FBXO33: variants seen among roughly 807,000 people sequenced by gnomAD.
FBXO33 encodes F-box protein 33.
A neutral mutation model predicts 46.3 loss-of-function variants in FBXO33; 22 were observed. The observed-to-expected ratio is 0.48, with a 90% confidence interval of 0.34 to 0.68. The LOEUF is 0.68. Among genes scored for constraint, FBXO33 ranks in the 30% least tolerant of loss-of-function variants. The pLI is 0.01. For missense variants in FBXO33, 692 were observed against 708.8 expected (o/e 0.98, Z 0.27); for synonymous variants, 337 against 291.3 (o/e 1.16, Z -1.60).
intron 1 of FBXO33, among the ~76,000 whole-genome samples, chr14:39,403,496 C>T (rs906875330): frequency 1.1e-4 from 17 of 152,070 alleles, no homozygotes; most frequent in Non-Finnish European, 1.9e-4. Flanking sequence ...AACTGGGAGG[C>T]GGAGGTTGCA....
rs772038994 is a variant in FBXO33 at position 39,402,405 on chromosome 14, T to G, written c.706A>C (p.Lys236Gln). 1 of 1,552,624 alleles carries G rather than the reference T, an allele frequency of 6.4e-7. No individual in the cohort carries two copies. The highest frequency in any genetic ancestry group is 8.7e-7 in the Non-Finnish European group (1 of 1,145,738). Residue 236 changes from lysine (K) to glutamine (Q), a missense_variant, in exon 2 of 4, where the codon AAA becomes CAA. Physicochemically the swap from Lys to Gln is moderately conservative, Grantham distance 53. Transcript: ENST00000298097. ...TCCATTAACCATATAACTTACTGTT[T>G]AATTTTTTTGCCATCAGGGTCCACC... ...SKVDPDGKKI[K>Q]QIQQLFEEIL...
intron 1 of FBXO33, among the ~76,000 whole-genome samples, chr14:39,408,614 G>GC (rs2075409121): frequency 6.6e-6 from 1 of 151,062 alleles, no homozygotes; most frequent in Admixed American, 6.6e-5. Flanking sequence ...CCAGATTCAA[G>GC]CAATTCTCCT....
At chr14:39,405,801 A>G (rs1013405276) in intron 1 of FBXO33, among the ~76,000 whole-genome samples, 25 of 151,392 alleles carry the variant, frequency 1.7e-4, no homozygotes, top group East Asian at 5.9e-4. Flanking sequence ...AAAAGGTTAT[A>G]AAACAGCCAA....
At chr14:39,403,822 C>A (rs12883658) in intron 1 of FBXO33, among the ~76,000 whole-genome samples, 1 of 148,222 alleles carries the variant, frequency 6.7e-6, no homozygotes. Flanking sequence ...TTTTTTTGGA[C>A]ACAGTGTCTC....
At chr14:39,422,204 G>A (rs1434938592) in intron 1 of FBXO33, among the ~76,000 whole-genome samples, 1 of 152,184 alleles carries the variant, frequency 6.6e-6, no homozygotes, top group Non-Finnish European at 1.5e-5. Context: ...GTTGCAGTGA[G>A]CCAATATTGT....
chr14:39,419,160 G>C (rs1314242210), intron 1 of FBXO33, among the ~76,000 whole-genome samples: 6 of 152,172 alleles, frequency 3.9e-5, no homozygotes, highest in Non-Finnish European at 7.4e-5. Flanking sequence ...CTTCCACTAA[G>C]TGATATTTCT....
intron 1 of FBXO33, among the ~76,000 whole-genome samples, chr14:39,414,196 G>C (rs2075436818): frequency 6.6e-6 from 1 of 152,202 alleles, no homozygotes; most frequent in Non-Finnish European, 1.5e-5. Flanking sequence ...TGCTGATTCA[G>C]CTTGCATTTT....
Position 39,431,770 on chromosome 14 carries a change from C to G in FBXO33, c.393G>C (p.Lys131Asn), listed in dbSNP as rs926259086. The change falls in exon 1 of 4, where the codon AAG (lysine) becomes AAC (asparagine). Residue 131 changes from lysine to asparagine, a missense_variant. By Grantham distance (94) the Lys-to-Asn change is moderately conservative. Transcript: ENST00000298097. ...GCAGCTCTCGCACGAACCAGCCGCA[C>G]TTGCGCATGAGGAATTCCAGCCGAG... The part of the protein sequence containing the change: ...EQPRLEFLMR[K>N]CGWFVRELRV... The G allele has an allele frequency of 3.7e-6, 6 of 1,612,798 alleles. No individual in the cohort carries two copies. In the African/African-American group the frequency reaches 8.0e-5, roughly 22 times the overall value.
At chr14:39,421,425 G>C (rs2075483287) in intron 1 of FBXO33, among the ~76,000 whole-genome samples, 1 of 152,134 alleles carries the variant, frequency 6.6e-6, no homozygotes, top group Non-Finnish European at 1.5e-5. Flanking sequence ...GGAAAAATCA[G>C]CATAGGGAGT....
chr14:39,432,320 A>G lies in FBXO33; in HGVS notation c.-158T>C. On this transcript the variant is annotated 5_prime_UTR_variant, in exon 1 of 4. Transcript: ENST00000298097. The stretch of plus-strand genomic sequence containing the variant: ...ACTCACGTGCGTCCGAGGCCGGCAC[A>G]CTGAGTAACTGCACTGCCCTCGCTC... 2.1e-6 allele frequency: 1 copy of G among 468,032 alleles called. No homozygotes were observed. Among genetic ancestry groups the G allele is most frequent in the Non-Finnish European group, 3.2e-6 (1 of 309,870 alleles). The allele number at this position is 468,032 out of a possible 1,614,324, so 29.0% of individuals were successfully genotyped here.
At chr14:39,428,870 T>C (rs952055009) in intron 1 of FBXO33, among the ~76,000 whole-genome samples, 2 of 152,214 alleles carry the variant, frequency 1.3e-5, no homozygotes, top group Non-Finnish European at 2.9e-5. Flanking sequence ...TACAGTTGAA[T>C]GAGTACTTAC....
chr14:39,431,941 C>T lies in FBXO33; in HGVS notation c.222G>A (p.Glu74=). Residue 74 remains glutamate (E), a synonymous_variant, in exon 1 of 4, where the codon GAG becomes GAA. Coordinates refer to ENST00000298097, the MANE Select transcript of FBXO33 (RefSeq NM_203301.4). ...QAAGAASLPS[E]LIVHIFSFLP... ...GAAAAGAGAAGATGTGCACGATCAG[C>T]TCGCTGGGCAGCGACGCAGCGCCCG... 2 of 1,532,590 alleles carry T rather than the reference C, an allele frequency of 1.3e-6. No homozygotes were observed. Among genetic ancestry groups the T allele is most frequent in the Non-Finnish European group, 1.7e-6 (2 of 1,145,656 alleles). 94.9% of individuals were successfully genotyped at this position (1,532,590 alleles called of 1,614,324 possible).
At position 39,432,289 on chromosome 14, in the gene FBXO33, A is replaced by G; in HGVS notation, c.-127T>C. ...CCGGGAGCCAGCCTCTGTCTTCTCAAACTCTACTCACGTGCGTCCGAGGCC... is the reference window on the plus strand; with the variant it reads ...CCGGGAGCCAGCCTCTGTCTTCTCAGACTCTACTCACGTGCGTCCGAGGCC... On this transcript the variant is annotated 5_prime_UTR_variant, in exon 1 of 4. Coordinates refer to ENST00000298097, the MANE Select transcript of FBXO33 (RefSeq NM_203301.4). The G allele has an allele frequency of 1.3e-6, 1 of 771,092 alleles. No individual in the cohort carries two copies. Among genetic ancestry groups the G allele is most frequent in the East Asian group, 4.3e-5 (1 of 23,420 alleles). 47.8% of individuals were successfully genotyped at this position (771,092 alleles called of 1,614,324 possible).
At chr14:39,429,059 A>G (rs2075530388) in intron 1 of FBXO33, among the ~76,000 whole-genome samples, 1 of 152,230 alleles carries the variant, frequency 6.6e-6, no homozygotes, top group Non-Finnish European at 1.5e-5. Flanking sequence ...AATCACTATG[A>G]GAATACATGT....
In FBXO33 at chr14:39,431,946, T is replaced by C; in HGVS notation, c.217A>G (p.Ser73Gly). 6.5e-7 allele frequency: 1 copy of C among 1,531,350 alleles called. No individual in the cohort carries two copies. The highest frequency in any genetic ancestry group is 8.7e-7 in the Non-Finnish European group (1 of 1,145,128). 94.9% of individuals were successfully genotyped at this position (1,531,350 alleles called of 1,614,324 possible). ...GQAAGAASLPSELIVHIFSFL... is the reference protein window; with the variant it reads ...GQAAGAASLPGELIVHIFSFL... Reference sequence around the variant, plus strand: ...GAGAAGATGTGCACGATCAGCTCGCTGGGCAGCGACGCAGCGCCCGCCGCC... The same window carrying C: ...GAGAAGATGTGCACGATCAGCTCGCCGGGCAGCGACGCAGCGCCCGCCGCC... Residue 73 changes from serine to glycine, a missense_variant, in exon 1 of 4, where the codon AGC (serine) becomes GGC (glycine). By Grantham distance (56) the Ser-to-Gly change is moderately conservative. Coordinates refer to ENST00000298097, the MANE Select transcript of FBXO33 (RefSeq NM_203301.4).
At chr14:39,406,393 A>C (rs1249966765) in intron 1 of FBXO33, among the ~76,000 whole-genome samples, 1 of 152,228 alleles carries the variant, frequency 6.6e-6, no homozygotes, top group African/African-American at 2.4e-5. Flanking sequence ...TTCTACAAAG[A>C]AACACTAAGG....
In FBXO33 at chr14:39,431,567, T is replaced by C. The variant is rs1258201319; in HGVS notation, c.596A>G (p.Asn199Ser). 6.2e-7 allele frequency: 1 copy of C among 1,611,958 alleles called. No individual in the cohort carries two copies. The highest frequency in any genetic ancestry group is 8.5e-7 in the Non-Finnish European group (1 of 1,180,006). ...VLCVLVSIRN[N>S]RNLQKFSLFG... Reference sequence around the variant, plus strand: ...GCGGGGCTCAGGGCAAGCCTACCTGTTGTTCCGGATGCTGACCAGCACGCA... The same window carrying C: ...GCGGGGCTCAGGGCAAGCCTACCTGCTGTTCCGGATGCTGACCAGCACGCA... The change falls in exon 1 of 4, where the codon AAC (asparagine) becomes AGC (serine). Residue 199 changes from asparagine (N) to serine (S), a missense_variant. Coordinates refer to ENST00000298097, the MANE Select transcript of FBXO33 (RefSeq NM_203301.4).
intron 1 of FBXO33, among the ~76,000 whole-genome samples, chr14:39,418,936 T>A (rs543632500): frequency 6.6e-6 from 1 of 152,196 alleles, no homozygotes; most frequent in Non-Finnish European, 1.5e-5. Flanking sequence ...AAAATTCTAA[T>A]TGCAGCAACA....
rs372862832 is a variant in FBXO33 at position 39,401,398 on chromosome 14, T to C, written c.1174A>G (p.Ile392Val). 1.2e-6 allele frequency: 2 copies of C among 1,614,192 alleles called. No homozygotes were observed. Among genetic ancestry groups the C allele is most frequent in the South Asian group, 1.1e-5 (1 of 91,080 alleles). Reference protein sequence around the residue: ...EDMLKILKPSIPLERIHFDSY... With the variant: ...EDMLKILKPSVPLERIHFDSY... The stretch of plus-strand genomic sequence containing the variant: ...TCAAAATGAATCCTCTCTAGTGGTA[T>C]ACTGGGTTTCAGAATCTTTAACATA... The change falls in exon 3 of 4, where the codon ATA becomes GTA. Residue 392 changes from isoleucine to valine, a missense_variant. Ile to Val is a conservative substitution (Grantham distance 29, BLOSUM62 3). This residue lies in a region of FBXO33 where 186 missense variants were observed against 246.1 expected (regional missense o/e 0.76). Coordinates refer to ENST00000298097, the MANE Select transcript of FBXO33 (RefSeq NM_203301.4).
Sources: gnomAD v4.1 joint callset for allele counts (sites outside exome capture counted in the v4.1 genomes callset) on GRCh38, gnomAD v4.1.1 for gene constraint, gnomAD v4.1.1 regional missense constraint, MANE v1.5 for transcripts, NCBI Gene and HGNC (gene_info 2026-07-23, HGNC 2026-07-21) for gene names.